The following TENM4 variants were observed in gnomAD, a reference collection of about 807,000 sequenced individuals.
The protein encoded by TENM4 is teneurin transmembrane protein 4.
Under a neutral mutation model 243.3 loss-of-function variants are expected in TENM4, and 82 were observed. The ratio of observed to expected loss-of-function variants is 0.34; its 90% confidence interval spans 0.28 to 0.40. The LOEUF is 0.40. Ranked by LOEUF, TENM4 falls within the 10% of genes least tolerant of loss-of-function variation. The pLI, the probability that TENM4 is intolerant of heterozygous loss-of-function variation, is 1.00. For synonymous variants in TENM4, 1,412 were observed against 1,456.3 expected, an observed-to-expected ratio of 0.97 and a Z score of 0.69; for missense variants, 3,138 against 3,673.3, an observed-to-expected ratio of 0.85 and a Z score of 3.77.
At chr11:79,360,834 G>A (rs1278326148) in intron 1 of TENM4, among the ~76,000 whole-genome samples, 2 of 152,164 alleles carry the variant, frequency 1.3e-5, no homozygotes, top group African/African-American at 2.4e-5. Flanking sequence ...AATGCAAAAT[G>A]TGTTGTAGAA....
At chr11:79,409,058 TTTTG>T in intron 1 of TENM4, among the ~76,000 whole-genome samples, 1 of 130,412 alleles carries the variant, frequency 7.7e-6, no homozygotes, top group East Asian at 2.1e-4. Context: ...ATGAGGGATA[TTTTG>T]TGTGTGTGTG....
intron 1 of TENM4, among the ~76,000 whole-genome samples, chr11:79,372,856 A>C (rs140528641): frequency 9.3e-4 from 141 of 152,292 alleles, no homozygotes; most frequent in African/African-American, 3.3e-3. Context: ...AAGCCTTGGC[A>C]TTGTGGATAT....
rs778025775 is a variant in TENM4 at position 78,708,419 on chromosome 11, G to A, written c.4151C>T (p.Ser1384Phe). The A allele has an allele frequency of 3.1e-6, 5 of 1,614,074 alleles. No homozygotes were observed. In the Admixed American group the frequency reaches 5.0e-5, roughly 16 times the overall value. The change falls in exon 27 of 34, where the codon TCT (serine) becomes TTT (phenylalanine). Residue 1384 changes from serine to phenylalanine, a missense_variant. This residue lies in a region of TENM4 where 2,467 missense variants were observed against 3,059.1 expected (regional missense o/e 0.81). Coordinates refer to ENST00000278550, the MANE Select transcript of TENM4 (RefSeq NM_001098816.3). ...TGGCCGGGCTGATGTGAGATCATTA[G>A]AGCCGAGCAGGGTGGAGATGATCCC... ...QNGIISTLLGSNDLTSARPLS... is the reference protein window; with the variant it reads ...QNGIISTLLGFNDLTSARPLS...
chr11:78,781,171 A>G (rs1050509556), intron 16 of TENM4, among the ~76,000 whole-genome samples: 1 of 152,254 alleles, frequency 6.6e-6, no homozygotes, highest in African/African-American at 2.4e-5. Flanking sequence ...AAACCTTGGC[A>G]CATATGCTGT....
intron 1 of TENM4, among the ~76,000 whole-genome samples, chr11:79,314,514 C>A (rs1391531257): frequency 6.6e-6 from 1 of 152,128 alleles, no homozygotes. Flanking sequence ...AGCGCAGACC[C>A]CAACAGGGGA....
At chr11:79,290,428 A>G (rs1856335039) in intron 2 of TENM4, among the ~76,000 whole-genome samples, 1 of 152,260 alleles carries the variant, frequency 6.6e-6, no homozygotes, top group Non-Finnish European at 1.5e-5. Flanking sequence ...GACTTATTGC[A>G]GAACCTAGAC....
intron 20 of TENM4, among the ~76,000 whole-genome samples, chr11:78,733,063 A>T (rs1168748714): frequency 4.6e-5 from 7 of 152,244 alleles, no homozygotes; most frequent in Non-Finnish European, 1.0e-4. Context: ...GCAAAGGCTC[A>T]AATGGATTAT....
At chr11:79,387,390 T>C (rs1858139442) in intron 1 of TENM4, among the ~76,000 whole-genome samples, 1 of 152,228 alleles carries the variant, frequency 6.6e-6, no homozygotes, top group African/African-American at 2.4e-5. Context: ...CTTTATGCTA[T>C]ATTATGTCCA....
intron 11 of TENM4, 110 bp from the exon 12 acceptor site, chr11:78,854,424 A>G: frequency 1.9e-6 from 2 of 1,026,198 alleles, no homozygotes; most frequent in Non-Finnish European, 2.7e-6. Flanking sequence ...TAGAGGCAAA[A>G]AGGGCCCAAA....
At chr11:78,991,797 G>T (rs1324443405) in intron 6 of TENM4, among the ~76,000 whole-genome samples, 1 of 152,182 alleles carries the variant, frequency 6.6e-6, no homozygotes, top group East Asian at 1.9e-4. Flanking sequence ...GTCTGCAAGG[G>T]CCAATTATAC....
intron 1 of TENM4, among the ~76,000 whole-genome samples, chr11:79,404,554 T>G (rs1298662263): frequency 1.3e-5 from 2 of 152,356 alleles, no homozygotes; most frequent in Admixed American, 6.5e-5. Context: ...ACACTGTGAA[T>G]GTTTTAAACA....
intron 31 of TENM4, among the ~76,000 whole-genome samples, chr11:78,670,924 G>A (rs1019736625): frequency 1.3e-5 from 2 of 152,218 alleles, no homozygotes; most frequent in African/African-American, 4.8e-5. Context: ...GTGGTGGGGT[G>A]TGAGAACGGC....
intron 4 of TENM4, among the ~76,000 whole-genome samples, chr11:79,135,676 T>C (rs1862093469): frequency 6.7e-6 from 1 of 149,868 alleles, no homozygotes; most frequent in Admixed American, 6.7e-5. Flanking sequence ...ATATATGATA[T>C]ATCATATATG....
At chr11:78,905,261 A>G (rs151204442) in intron 6 of TENM4, among the ~76,000 whole-genome samples, 123 of 152,342 alleles carry the variant, frequency 8.1e-4, no homozygotes, top group African/African-American at 2.6e-3. Flanking sequence ...GGCTTTTTGG[A>G]AATCATCAAG....
chr11:79,317,813 A>C (rs1022522129), intron 1 of TENM4, among the ~76,000 whole-genome samples: 2 of 152,066 alleles, frequency 1.3e-5, no homozygotes, highest in Admixed American at 6.5e-5. Flanking sequence ...CTGTTTTCCC[A>C]ACTTGGCGCT....
At chr11:78,756,578 T>C (rs1856310227) in intron 19 of TENM4, 1 of 526,024 alleles carries the variant, frequency 1.9e-6, no homozygotes, top group Non-Finnish European at 3.4e-6. Context: ...TGTCACCCAG[T>C]GGGAGCAACA....
chr11:79,192,215 A>G (rs1283104018), intron 3 of TENM4, among the ~76,000 whole-genome samples: 2 of 142,488 alleles, frequency 1.4e-5, no homozygotes, highest in African/African-American at 5.2e-5. Context: ...GGCCGCCCCT[A>G]CTGGGAAGTG....
chr11:79,160,251 A>C (rs535342986), intron 3 of TENM4, among the ~76,000 whole-genome samples: 1 of 152,288 alleles, frequency 6.6e-6, no homozygotes, highest in East Asian at 1.9e-4. Flanking sequence ...CCTGGTGTGC[A>C]GGGGATATGC....
intron 6 of TENM4, among the ~76,000 whole-genome samples, chr11:78,955,651 G>A (rs1857195733): frequency 6.6e-6 from 1 of 152,176 alleles, no homozygotes; most frequent in Non-Finnish European, 1.5e-5. Context: ...AGTCTACAAT[G>A]AGTGACTAAT....
Sources: gnomAD v4.1 joint callset for allele counts (sites outside exome capture counted in the v4.1 genomes callset) on GRCh38, gnomAD v4.1.1 for gene constraint, gnomAD v4.1.1 regional missense constraint, MANE v1.5 for transcripts, NCBI Gene and HGNC (gene_info 2026-07-23, HGNC 2026-07-21) for gene names.